ZFAT: variants seen among roughly 807,000 people sequenced by gnomAD.
ZFAT encodes the protein zinc finger protein ZFAT.
A neutral mutation model predicts 117.7 loss-of-function variants in ZFAT; 64 were observed. The ratio of observed to expected loss-of-function variants is 0.54; its 90% confidence interval spans 0.44 to 0.67. ZFAT has a LOEUF of 0.67. Ranked by LOEUF, ZFAT falls within the 30% of genes least tolerant of loss-of-function variation. The pLI, the probability that ZFAT is intolerant of heterozygous loss-of-function variation, is 0.00. For synonymous variants in ZFAT, 679 were observed against 615.0 expected, an observed-to-expected ratio of 1.10 and a Z score of -1.54; for missense variants, 1,433 against 1,584.5, an observed-to-expected ratio of 0.90 and a Z score of 1.62.
At chr8:134,629,022 C>G (rs937801133) in intron 3 of ZFAT, among the ~76,000 whole-genome samples, 3 of 152,170 alleles carry the variant, frequency 2.0e-5, no homozygotes, top group Non-Finnish European at 4.4e-5. Flanking sequence ...GGTAAATAGG[C>G]AGACTGGAGC....
At chr8:134,633,752 G>C (rs1830035769) in intron 3 of ZFAT, among the ~76,000 whole-genome samples, 1 of 152,202 alleles carries the variant, frequency 6.6e-6, no homozygotes, top group South Asian at 2.1e-4. Context: ...AATAACAATA[G>C]TGCATACCTT....
At chr8:134,821,416 G>A in the ZFAT span, among the ~76,000 whole-genome samples, 1 of 152,022 alleles carries the variant, frequency 6.6e-6, no homozygotes, top group Non-Finnish European at 1.5e-5. Context: ...TTCAGCAATG[G>A]TCAGACCACA....
At chr8:134,761,683 A>T in the ZFAT span, among the ~76,000 whole-genome samples, 1 of 152,054 alleles carries the variant, frequency 6.6e-6, no homozygotes, top group African/African-American at 2.4e-5. Flanking sequence ...CTGGCGACAA[A>T]GCGAGACTCC....
chr8:134,773,054 A>G, the ZFAT span, among the ~76,000 whole-genome samples: 2 of 149,520 alleles, frequency 1.3e-5, no homozygotes, highest in Non-Finnish European at 3.0e-5. Flanking sequence ...TGATTGTACC[A>G]CAGCATTCCA....
intron 3 of ZFAT, among the ~76,000 whole-genome samples, chr8:134,621,729 T>G (rs1451323380): frequency 6.6e-6 from 1 of 152,140 alleles, no homozygotes; most frequent in Non-Finnish European, 1.5e-5. Flanking sequence ...GTGAATGAGC[T>G]CCCTGCCAGC....
chr8:134,767,228 T>C, the ZFAT span: 1 of 152,222 alleles, frequency 6.6e-6, no homozygotes, highest in Non-Finnish European at 1.5e-5. Context: ...ATCCACTAGA[T>C]TGTTAGTCAT....
intron 15 of ZFAT, among the ~76,000 whole-genome samples, chr8:134,483,999 C>T (rs1055238645): frequency 1.3e-5 from 2 of 152,214 alleles, no homozygotes; most frequent in Non-Finnish European, 2.9e-5. Flanking sequence ...TCTCCTTCTC[C>T]TCTAGCTCCT....
the ZFAT span, among the ~76,000 whole-genome samples, chr8:134,761,481 C>T: frequency 2.0e-5 from 3 of 151,574 alleles, no homozygotes; most frequent in Non-Finnish European, 4.4e-5. Context: ...GCCGGCAAAT[C>T]ACGAGATCAA....
At chr8:134,488,381 T>C (rs1338980895) in intron 15 of ZFAT, among the ~76,000 whole-genome samples, 1 of 152,190 alleles carries the variant, frequency 6.6e-6, no homozygotes, top group Non-Finnish European at 1.5e-5. Context: ...TGGAAAGCTG[T>C]CACTCTCCTT....
intron 8 of ZFAT, among the ~76,000 whole-genome samples, chr8:134,589,308 G>T (rs1210401972): frequency 2.6e-5 from 4 of 152,182 alleles, no homozygotes; most frequent in Non-Finnish European, 4.4e-5. Flanking sequence ...CACAGACGAA[G>T]GCCTCACAAC....
chr8:134,668,537 A>G (rs1268277873), intron 1 of ZFAT, among the ~76,000 whole-genome samples: 1 of 152,268 alleles, frequency 6.6e-6, no homozygotes, highest in African/African-American at 2.4e-5. Flanking sequence ...CCTGCAGCTG[A>G]GGGTCCTGAC....
chr8:134,567,747 A>G (rs1239629218), intron 10 of ZFAT, among the ~76,000 whole-genome samples: 6 of 148,762 alleles, frequency 4.0e-5, no homozygotes, highest in Non-Finnish European at 8.9e-5. Context: ...TTAGGCTCAT[A>G]ACACTGAACT....
At chr8:134,613,342 A>C (rs987431033) in intron 3 of ZFAT, among the ~76,000 whole-genome samples, 1 of 151,982 alleles carries the variant, frequency 6.6e-6, no homozygotes, top group African/African-American at 2.4e-5. Flanking sequence ...TGCAACGGAT[A>C]AACTGTGTCT....
chr8:134,797,727 A>G, the ZFAT span: 3 of 152,038 alleles, frequency 2.0e-5, no homozygotes, highest in Admixed American at 6.6e-5. Flanking sequence ...AAGAAAGTTA[A>G]GGCTAATATT....
chr8:134,481,548 A>C (rs918559071), intron 15 of ZFAT, among the ~76,000 whole-genome samples: 1 of 152,202 alleles, frequency 6.6e-6, no homozygotes, highest in Non-Finnish European at 1.5e-5. Context: ...AAAAACACTA[A>C]CACCACAATG....
At chr8:134,771,953 T>C in the ZFAT span, among the ~76,000 whole-genome samples, 1 of 152,158 alleles carries the variant, frequency 6.6e-6, no homozygotes, top group African/African-American at 2.4e-5. Flanking sequence ...ACTCCCCTTT[T>C]TAAACCCATC....
intron 1 of ZFAT, among the ~76,000 whole-genome samples, chr8:134,695,715 A>C (rs1833798908): frequency 6.7e-6 from 1 of 148,698 alleles, no homozygotes; most frequent in Non-Finnish European, 1.5e-5. Flanking sequence ...CTAACCAAGG[A>C]GGCGCTGCCC....
At chr8:134,784,449 T>C in the ZFAT span, 1 of 152,202 alleles carries the variant, frequency 6.6e-6, no homozygotes, top group Non-Finnish European at 1.5e-5. Context: ...CAGTCTCTAA[T>C]GCTAATCACT....
intron 7 of ZFAT, among the ~76,000 whole-genome samples, chr8:134,593,320 A>C (rs1421686284): frequency 4.0e-5 from 6 of 149,126 alleles, no homozygotes; most frequent in African/African-American, 7.3e-5. Context: ...GAAGACTGTC[A>C]GAAGGACACA....
Sources: gnomAD v4.1 joint callset for allele counts (sites outside exome capture counted in the v4.1 genomes callset) on GRCh38, gnomAD v4.1.1 for gene constraint, MANE v1.5 for transcripts, NCBI Gene and HGNC (gene_info 2026-07-23, HGNC 2026-07-21) for gene names.